The following FGGY variants were observed in gnomAD, a reference collection of about 807,000 sequenced individuals.
FGGY encodes FGGY carbohydrate kinase domain containing.
In FGGY, 72 loss-of-function variants were observed where a neutral mutation model predicts 71.3. That is an observed-to-expected ratio of 1.01 (90% CI 0.84 to 1.23). The LOEUF (loss-of-function observed/expected upper bound fraction) is 1.23, where lower values mean the gene tolerates loss of function less well. Among genes scored for constraint, FGGY ranks in the 50% most tolerant of loss-of-function variants. FGGY has a pLI of 0.00. For missense variants in FGGY, 668 were observed against 682.3 expected (o/e 0.98, Z 0.23); for synonymous variants, 251 against 250.3 (o/e 1.00, Z -0.02).
intron 11 of FGGY, among the ~76,000 whole-genome samples, chr1:59,644,760 G>A (rs1027194960): frequency 6.6e-5 from 10 of 152,030 alleles, no homozygotes; most frequent in Non-Finnish European, 1.0e-4. Context: ...GGTGGATCAC[G>A]AGGTCAAGAG....
chr1:59,749,806 T>A (rs1008417), intron 14 of FGGY, among the ~76,000 whole-genome samples: 96,133 of 152,188 alleles, frequency 0.63, 30,956 homozygotes, highest in African/African-American at 0.75. Flanking sequence ...CCCCATTTTC[T>A]GATGAGGCAA....
rs1360421693 is a variant in FGGY, at chr1:59,333,324, T to C, written c.202-6634T>C. Among the ~76,000 whole-genome samples the C allele has an allele frequency of 2.0e-5, 3 of 152,218 alleles. No individual in the cohort carries two copies. The East Asian group carries it at 5.8e-4, about 29-fold the overall frequency. On this transcript the variant is annotated intron_variant, in intron 2 of 15. Coordinates refer to ENST00000303721, the MANE Select transcript of FGGY (RefSeq NM_018291.5). The stretch of plus-strand genomic sequence containing the variant: ...GTAGAAGTTAGGGCTGGGTGATTGA[T>C]TGATTGGTATCCCACATGGAAAGAT...
intron 9 of FGGY, among the ~76,000 whole-genome samples, chr1:59,622,103 GC>G (rs2096815262): frequency 2.0e-5 from 3 of 151,490 alleles, no homozygotes; most frequent in Admixed American, 2.0e-4. Flanking sequence ...CAGCTCTTAG[GC>G]CCATCTACTA....
At chr1:59,338,270 T>G (rs1175939360) in intron 2 of FGGY, among the ~76,000 whole-genome samples, 4 of 152,328 alleles carry the variant, frequency 2.6e-5, no homozygotes, top group Middle Eastern at 6.8e-3. Context: ...TTTACTATGT[T>G]CATGATAAAT....
At chr1:59,612,363 T>A (rs1209856256) in intron 9 of FGGY, among the ~76,000 whole-genome samples, 1 of 152,182 alleles carries the variant, frequency 6.6e-6, no homozygotes, top group Non-Finnish European at 1.5e-5. Flanking sequence ...AAGAAAAGAA[T>A]TTTCAACCCA....
chr1:59,533,031 C>A (rs544411231), intron 7 of FGGY, among the ~76,000 whole-genome samples: 1 of 152,186 alleles, frequency 6.6e-6, no homozygotes, highest in African/African-American at 2.4e-5. Flanking sequence ...GAACAGCTCC[C>A]GTCTACAGCT....
At chr1:59,308,562 A>G (rs574072559) in intron 1 of FGGY, among the ~76,000 whole-genome samples, 1 of 152,168 alleles carries the variant, frequency 6.6e-6, no homozygotes, top group Non-Finnish European at 1.5e-5. Context: ...AGTGGTTCTC[A>G]AACTCTAGCA....
At chr1:59,463,604 A>G (rs148882457) in intron 6 of FGGY, among the ~76,000 whole-genome samples, 4 of 151,690 alleles carry the variant, frequency 2.6e-5, no homozygotes, top group Non-Finnish European at 5.9e-5. Flanking sequence ...AGTGTGCTGT[A>G]TTCAGGAAAC....
At chr1:59,508,714 A>G (rs1267405230) in intron 6 of FGGY, among the ~76,000 whole-genome samples, 1 of 152,162 alleles carries the variant, frequency 6.6e-6, no homozygotes, top group African/African-American at 2.4e-5. Context: ...GAGTCCAGAT[A>G]GCCTATTCCT....
intron 14 of FGGY, among the ~76,000 whole-genome samples, chr1:59,735,400 G>A (rs1483618010): frequency 6.6e-6 from 1 of 152,200 alleles, no homozygotes; most frequent in Non-Finnish European, 1.5e-5. Flanking sequence ...GGAGGCCCAA[G>A]TTCTAGTCCT....
chr1:59,526,294 A>G (rs2094976359), intron 7 of FGGY, among the ~76,000 whole-genome samples: 2 of 152,236 alleles, frequency 1.3e-5, no homozygotes, highest in South Asian at 4.1e-4. Context: ...TCAGTCTAGA[A>G]TGGGGACATT....
At chr1:59,472,695 ACT>A (rs1222367149) in intron 6 of FGGY, among the ~76,000 whole-genome samples, 7 of 152,182 alleles carry the variant, frequency 4.6e-5, no homozygotes, top group African/African-American at 1.7e-4. Context: ...ACCAGTCCAC[ACT>A]CTGTATCTAG....
At chr1:59,534,486 C>G (rs1445458626) in intron 7 of FGGY, among the ~76,000 whole-genome samples, 2 of 151,870 alleles carry the variant, frequency 1.3e-5, no homozygotes, top group African/African-American at 4.8e-5. Context: ...GAGAACGCCA[C>G]AAAGATACTC....
intron 9 of FGGY, among the ~76,000 whole-genome samples, chr1:59,610,657 C>T (rs182096603): frequency 1.8e-3 from 281 of 152,310 alleles, no homozygotes; most frequent in Admixed American, 3.0e-3. Flanking sequence ...GCTTGTCAGA[C>T]AGTGGGTGCA....
intron 14 of FGGY, among the ~76,000 whole-genome samples, chr1:59,728,982 T>C (rs1223701037): frequency 6.6e-6 from 1 of 152,122 alleles, no homozygotes; most frequent in East Asian, 1.9e-4. Context: ...TCTGCTCCAT[T>C]CTCACTTTGT....
chr1:59,360,697 A>T (rs2055325599), intron 4 of FGGY, among the ~76,000 whole-genome samples: 1 of 152,250 alleles, frequency 6.6e-6, no homozygotes, highest in African/African-American at 2.4e-5. Context: ...GTTGGAAAGA[A>T]AATTAGTGAG....
Position 59,383,096 on chromosome 1 carries a change from TGGA to T in FGGY, c.554+4261_554+4263del, listed in dbSNP as rs1448717311. ...ATTGTCACTCTTTTTGTCTATAGCA[TGGA>T]GATTGTTATACCTATTTTGCAAAGT... On this transcript the variant is annotated intron_variant, in intron 5 of 15. Transcript: ENST00000303721. Among the ~76,000 whole-genome samples the T allele has an allele frequency of 3.9e-4, 59 of 152,312 alleles. No homozygotes were observed. In the East Asian group the frequency reaches 9.3e-3, roughly 24 times the overall value.
chr1:59,671,311 G>A (rs895241059), intron 13 of FGGY, among the ~76,000 whole-genome samples: 5 of 152,236 alleles, frequency 3.3e-5, no homozygotes, highest in African/African-American at 1.2e-4. Context: ...ACAGAGCTGT[G>A]GGCAGGGTGC....
At chr1:59,553,769 A>C (rs2095644246) in intron 7 of FGGY, 2 of 168,174 alleles carry the variant, frequency 1.2e-5, no homozygotes, top group African/African-American at 4.7e-5. Context: ...AATATCTATG[A>C]TAGTGTTAAA....
Sources: gnomAD v4.1 joint callset for allele counts (sites outside exome capture counted in the v4.1 genomes callset) on GRCh38, gnomAD v4.1.1 for gene constraint, MANE v1.5 for transcripts, NCBI Gene and HGNC (gene_info 2026-07-23, HGNC 2026-07-21) for gene names.